PBX3: variants seen among roughly 807,000 people sequenced by gnomAD.
PBX3 encodes PBX homeobox 3, also known as pre-B-cell leukemia transcription factor 3.
PBX3 carries 14 observed loss-of-function variants against 48.5 expected under a neutral mutation model. That is an observed-to-expected ratio of 0.29 (90% CI 0.19 to 0.45). The LOEUF (loss-of-function observed/expected upper bound fraction) is 0.45. PBX3 is among the 20% of genes least tolerant of loss of function. PBX3 has a pLI of 1.00. For missense variants in PBX3, 386 were observed against 546.7 expected (o/e 0.71, Z 2.93); for synonymous variants, 210 against 200.3 (o/e 1.05, Z -0.41).
At chr9:125,930,532 C>T (rs1224045555) in intron 4 of PBX3, among the ~76,000 whole-genome samples, 2 of 152,214 alleles carry the variant, frequency 1.3e-5, no homozygotes, top group Non-Finnish European at 2.9e-5. Flanking sequence ...TATGATGAAT[C>T]TGCAGCTTTG....
intron 2 of PBX3, among the ~76,000 whole-genome samples, chr9:125,846,846 A>G (rs1839438098): frequency 6.6e-6 from 1 of 151,958 alleles, no homozygotes; most frequent in Non-Finnish European, 1.5e-5. Context: ...AGGTCTACTC[A>G]TTGCAGTTGG....
chr9:125,907,313 T>C (rs1373852282), intron 2 of PBX3, among the ~76,000 whole-genome samples: 3 of 152,106 alleles, frequency 2.0e-5, no homozygotes, highest in Non-Finnish European at 4.4e-5. Flanking sequence ...GATTTGACCA[T>C]TTAATGAATA....
Position 125,960,663 on chromosome 9 carries a change from C to T in PBX3, c.844-21C>T, listed in dbSNP as rs763145630. 5 of 1,612,818 alleles carry T rather than the reference C, an allele frequency of 3.1e-6. No homozygotes were observed. The African/African-American group carries it at 6.7e-5, about 22-fold the overall frequency. ...CTTCTTCCTCTCTTCCCCTTCACCT[C>T]CATGTCCCTGCAATTTGTAGGTATC... On this transcript the variant is annotated intron_variant, in intron 5 of 8. Coordinates refer to ENST00000373489, the MANE Select transcript of PBX3 (RefSeq NM_006195.6).
chr9:125,783,949 C>T (rs1223099673), intron 2 of PBX3, among the ~76,000 whole-genome samples: 2 of 151,836 alleles, frequency 1.3e-5, no homozygotes, highest in Non-Finnish European at 2.9e-5. Flanking sequence ...TGCAGTGAGC[C>T]GAGGTCATGC....
intron 3 of PBX3, among the ~76,000 whole-genome samples, chr9:125,920,758 C>T (rs1336427620): frequency 2.0e-5 from 3 of 152,202 alleles, no homozygotes; most frequent in Non-Finnish European, 2.9e-5. Context: ...CATTTGAACT[C>T]ACCCCAAATC....
At chr9:125,747,694 G>GA (rs1836231316) in intron 1 of PBX3, 41 bp downstream of exon 1, 1 of 1,462,318 alleles carries the variant, frequency 6.8e-7, no homozygotes, top group Non-Finnish European at 9.2e-7. Context: ...GTGTGTGCGG[G>GA]AGCCGGGCCC....
intron 2 of PBX3, among the ~76,000 whole-genome samples, chr9:125,853,701 T>G (rs541753405): frequency 2.0e-5 from 3 of 152,200 alleles, no homozygotes; most frequent in African/African-American, 7.2e-5. Context: ...GGTGAAAGGG[T>G]TAAGTTTCCT....
At chr9:125,765,457 T>C (rs1836778712) in intron 2 of PBX3, among the ~76,000 whole-genome samples, 1 of 152,054 alleles carries the variant, frequency 6.6e-6, no homozygotes, top group African/African-American at 2.4e-5. Context: ...ACCAAGAAAT[T>C]AGTTTTTATA....
At chr9:125,778,162 A>G (rs1034815958) in intron 2 of PBX3, among the ~76,000 whole-genome samples, 18 of 151,800 alleles carry the variant, frequency 1.2e-4, no homozygotes, top group African/African-American at 3.9e-4. Flanking sequence ...GGGTATCACC[A>G]TGTTGGCCAT....
chr9:125,937,186 A>G (rs947867041), intron 5 of PBX3, among the ~76,000 whole-genome samples: 10 of 152,210 alleles, frequency 6.6e-5, no homozygotes, highest in East Asian at 1.9e-4. Context: ...TTCAAAAACA[A>G]TAGAATCTGG....
chr9:125,954,735 C>A (rs921545673), intron 5 of PBX3, among the ~76,000 whole-genome samples: 7 of 152,128 alleles, frequency 4.6e-5, no homozygotes, highest in Admixed American at 4.6e-4. Context: ...GACAAGGTTT[C>A]ACCATATTGG....
chr9:125,912,355 G>A (rs1031980988), intron 2 of PBX3, among the ~76,000 whole-genome samples: 2 of 152,214 alleles, frequency 1.3e-5, no homozygotes, highest in Non-Finnish European at 2.9e-5. Flanking sequence ...TGAAGGGTAT[G>A]CGTTTATTCG....
At chr9:125,893,514 G>A (rs1840699471) in intron 2 of PBX3, among the ~76,000 whole-genome samples, 1 of 152,166 alleles carries the variant, frequency 6.6e-6, no homozygotes, top group Non-Finnish European at 1.5e-5. Flanking sequence ...CAGGCTACAC[G>A]AGGCCAAAGC....
At chr9:125,812,900 A>G (rs1299868432) in intron 2 of PBX3, among the ~76,000 whole-genome samples, 1 of 152,234 alleles carries the variant, frequency 6.6e-6, no homozygotes, top group African/African-American at 2.4e-5. Context: ...GAGATAAAAC[A>G]TGGTATAGCT....
At chr9:125,800,278 A>C (rs1837900856) in intron 2 of PBX3, among the ~76,000 whole-genome samples, 1 of 152,220 alleles carries the variant, frequency 6.6e-6, no homozygotes, top group South Asian at 2.1e-4. Context: ...CAAAAGCCAA[A>C]TTAAGCCAGT....
chr9:125,766,830 C>T (rs148735519), intron 2 of PBX3, among the ~76,000 whole-genome samples: 2 of 152,108 alleles, frequency 1.3e-5, no homozygotes, highest in African/African-American at 2.4e-5. Flanking sequence ...AGATGGGTCA[C>T]GTCCAAAGAT....
At chr9:125,823,240 T>A (rs528753741) in intron 2 of PBX3, among the ~76,000 whole-genome samples, 44 of 152,346 alleles carry the variant, frequency 2.9e-4, no homozygotes, top group African/African-American at 1.0e-3. Context: ...TTTTCAAATT[T>A]ACTTCAGTCA....
intron 2 of PBX3, among the ~76,000 whole-genome samples, chr9:125,810,546 A>G (rs888362004): frequency 6.6e-6 from 1 of 151,996 alleles, no homozygotes; most frequent in African/African-American, 2.4e-5. Context: ...GTTGAGTGGA[A>G]CTTTTTGGCC....
At chr9:125,929,271 C>T (rs555494231) in intron 3 of PBX3, among the ~76,000 whole-genome samples, 2 of 152,278 alleles carry the variant, frequency 1.3e-5, no homozygotes, top group African/African-American at 4.8e-5. Flanking sequence ...TGTAGTTGTT[C>T]AGTAAGCATT....
Sources: gnomAD v4.1 joint callset for allele counts (sites outside exome capture counted in the v4.1 genomes callset) on GRCh38, gnomAD v4.1.1 for gene constraint, MANE v1.5 for transcripts, NCBI Gene and HGNC (gene_info 2026-07-23, HGNC 2026-07-21) for gene names.